Variants in FBXO42 observed in about 807,000 individuals in gnomAD.
FBXO42 encodes the protein F-box only protein 42.
A neutral mutation model predicts 71.7 loss-of-function variants in FBXO42; 12 were observed. The observed-to-expected ratio is 0.17, with a 90% CI of 0.11 to 0.27. The LOEUF is 0.27. Among genes scored for constraint, FBXO42 ranks in the 10% least tolerant of loss-of-function variants. The pLI is 1.00. For synonymous variants in FBXO42, 325 were observed against 327.5 expected, an observed-to-expected ratio of 0.99 and a Z score of 0.08; for missense variants, 707 against 911.9, an observed-to-expected ratio of 0.78 and a Z score of 2.89.
intron 3 of FBXO42, among the ~76,000 whole-genome samples, chr1:16,304,283 AT>A (rs886557078): frequency 1.3e-5 from 2 of 148,784 alleles, no homozygotes; most frequent in South Asian, 2.1e-4. Context: ...TGGCTGGTTA[AT>A]TTTTTTTTCT....
intron 4 of FBXO42, among the ~76,000 whole-genome samples, chr1:16,286,858 T>C (rs549670005): frequency 6.6e-6 from 1 of 152,308 alleles, no homozygotes; most frequent in South Asian, 2.1e-4. Flanking sequence ...TTGCTTTCTT[T>C]CTCTTTCCTA....
At chr1:16,315,003 G>A (rs756559718) in intron 2 of FBXO42, among the ~76,000 whole-genome samples, 166 bp downstream of exon 2, 1 of 152,038 alleles carries the variant, frequency 6.6e-6, no homozygotes, top group East Asian at 1.9e-4. Context: ...TATTCAAGCT[G>A]TTCATTAAAC....
At chr1:16,305,557 T>C (rs1184740730) in intron 3 of FBXO42, among the ~76,000 whole-genome samples, 1 of 151,924 alleles carries the variant, frequency 6.6e-6, no homozygotes, top group Non-Finnish European at 1.5e-5. Context: ...CTACAAAAAA[T>C]ACAAAAGTTA....
intron 4 of FBXO42, among the ~76,000 whole-genome samples, chr1:16,289,408 TA>T (rs58450626): frequency 0.014 from 1,983 of 139,188 alleles, 13 homozygotes; most frequent in Non-Finnish European, 0.017. Context: ...ATTGTCTCTT[TA>T]AAAAAAAAAA....
chr1:16,265,980 G>A (rs1426192233), intron 4 of FBXO42, among the ~76,000 whole-genome samples: 1 of 152,008 alleles, frequency 6.6e-6, no homozygotes, highest in Non-Finnish European at 1.5e-5. Flanking sequence ...TCAACAAATA[G>A]AACTGTTACT....
intron 1 of FBXO42, among the ~76,000 whole-genome samples, chr1:16,317,550 T>C (rs1235658459): frequency 6.6e-6 from 1 of 151,930 alleles, no homozygotes; most frequent in Non-Finnish European, 1.5e-5. Context: ...TAGCCAAGAC[T>C]GGCCACTGCA....
At chr1:16,256,490 AAG>A in intron 5 of FBXO42, 114 bp downstream of exon 5, 2 of 1,123,742 alleles carry the variant, frequency 1.8e-6, no homozygotes, top group Non-Finnish European at 2.5e-6. Flanking sequence ...CTCCTGGGAA[AAG>A]AGTCCACAGC....
At position 16,250,668 on chromosome 1, in the gene FBXO42, C is replaced by A. The variant is rs774906930; in HGVS notation, c.*2G>T. On this transcript the variant is annotated 3_prime_UTR_variant, in exon 10 of 10. Coordinates refer to ENST00000375592, the MANE Select transcript of FBXO42 (RefSeq NM_018994.3). This position sits in a 1 kb window ranked among gnomAD's most constrained non-coding sequence, Gnocchi z 4.7. Reference sequence around the variant, plus strand: ...CAGAAAAGGAAAGGGGTTTAGAACACATTATCTCTTTGCTCGTACAAAGTA... The same window carrying A: ...CAGAAAAGGAAAGGGGTTTAGAACAAATTATCTCTTTGCTCGTACAAAGTA... 9.9e-6 allele frequency: 16 copies of A among 1,611,496 alleles called. No homozygotes were observed. The highest frequency in any genetic ancestry group is 1.3e-5 in the African/African-American group (1 of 74,718).
At chr1:16,309,981 G>A (rs1310514556) in intron 2 of FBXO42, among the ~76,000 whole-genome samples, 4 of 151,828 alleles carry the variant, frequency 2.6e-5, no homozygotes, top group Non-Finnish European at 1.5e-5. Flanking sequence ...AGATCACAAG[G>A]TCAGGAGATC....
At chr1:16,275,174 T>C (rs1472516397) in intron 4 of FBXO42, among the ~76,000 whole-genome samples, 1 of 152,040 alleles carries the variant, frequency 6.6e-6, no homozygotes, top group Non-Finnish European at 1.5e-5. Context: ...TTCAGAAAGC[T>C]TACTAAAATG....
intron 4 of FBXO42, among the ~76,000 whole-genome samples, chr1:16,258,015 C>A (rs1329563900): frequency 6.8e-6 from 1 of 147,510 alleles, no homozygotes; most frequent in Non-Finnish European, 1.5e-5. Context: ...TTTTTTTTTT[C>A]TTTTTGGTTA....
chr1:16,275,292 G>A (rs1327552060), intron 4 of FBXO42, among the ~76,000 whole-genome samples: 1 of 152,068 alleles, frequency 6.6e-6, no homozygotes, highest in Non-Finnish European at 1.5e-5. Context: ...GAAATTATCA[G>A]GGGCACAATT....
chr1:16,260,222 T>G (rs2081696396), intron 4 of FBXO42, among the ~76,000 whole-genome samples: 1 of 151,860 alleles, frequency 6.6e-6, no homozygotes, highest in Non-Finnish European at 1.5e-5. Flanking sequence ...TTTTTTTTTT[T>G]TTTTGAGACA....
intron 1 of FBXO42, among the ~76,000 whole-genome samples, chr1:16,346,011 A>C (rs971530853): frequency 6.6e-6 from 1 of 152,190 alleles, no homozygotes. Context: ...CTACCAACTT[A>C]AGGAGGCTTA....
At chr1:16,293,815 G>C (rs2082103224) in intron 4 of FBXO42, 1 of 152,164 alleles carries the variant, frequency 6.6e-6, no homozygotes, top group Non-Finnish European at 1.5e-5. Flanking sequence ...TAGTCATTTA[G>C]TACTACTCCA....
chr1:16,263,519 C>T (rs551592709), intron 4 of FBXO42, among the ~76,000 whole-genome samples: 3 of 151,802 alleles, frequency 2.0e-5, no homozygotes, highest in East Asian at 2.0e-4. Flanking sequence ...GTCAGAAGTT[C>T]GAGACCAGCC....
intron 1 of FBXO42, among the ~76,000 whole-genome samples, chr1:16,340,154 C>T (rs921721937): frequency 2.7e-5 from 4 of 149,542 alleles, no homozygotes; most frequent in South Asian, 2.1e-4. Flanking sequence ...CCAGTCTGGG[C>T]GACAGAGCAA....
At chr1:16,279,674 G>A (rs1400944974) in intron 4 of FBXO42, among the ~76,000 whole-genome samples, 1 of 151,794 alleles carries the variant, frequency 6.6e-6, no homozygotes, top group African/African-American at 2.4e-5. Flanking sequence ...CGAGAACCAA[G>A]GGCAATTACA....
Position 16,305,868 on chromosome 1 carries a change from T to C in FBXO42, c.302A>G (p.Asn101Ser), listed in dbSNP as rs2082244696. Residue 101 changes from asparagine (N) to serine (S), a missense_variant, in exon 3 of 10, where the codon AAC becomes AGC. Transcript: ENST00000375592. ...ATAGGTACGGCTCTCCCACTGAATG[T>C]TTCCTTCCTGGACAGCCTTCATGAA... ...HGFMKAVQEGNIQWESRTYPY... is the reference protein window; with the variant it reads ...HGFMKAVQEGSIQWESRTYPY... The C allele has an allele frequency of 6.2e-7, 1 of 1,614,024 alleles. No individual in the cohort carries two copies. Among genetic ancestry groups the C allele is most frequent in the Non-Finnish European group, 8.5e-7 (1 of 1,180,030 alleles).
Sources: allele counts gnomAD v4.1 joint callset (sites outside exome capture counted in the v4.1 genomes callset), GRCh38; gene constraint gnomAD v4.1.1; non-coding constraint Gnocchi (gnomAD v3.1); transcripts MANE v1.5; gene names NCBI Gene and HGNC (gene_info 2026-07-23, HGNC 2026-07-21).